Variants in DNER observed in about 807,000 individuals in gnomAD.
DNER encodes delta/notch like EGF repeat containing, also known as delta and Notch-like epidermal growth factor-related receptor.
Under a neutral mutation model 78.2 loss-of-function variants are expected in DNER, and 33 were observed. The ratio of observed to expected loss-of-function variants is 0.42; its 90% confidence interval spans 0.32 to 0.56. The LOEUF (loss-of-function observed/expected upper bound fraction) is 0.56, where lower values mean the gene tolerates loss of function less well. DNER is among the 20% of genes least tolerant of loss of function. The pLI is 0.11. For missense variants in DNER, 918 were observed against 975.3 expected (o/e 0.94, Z 0.78); for synonymous variants, 417 against 384.8 (o/e 1.08, Z -0.98).
intron 5 of DNER, among the ~76,000 whole-genome samples, chr2:229,541,381 GC>G (rs1192965356): frequency 6.6e-6 from 1 of 152,152 alleles, no homozygotes; most frequent in Non-Finnish European, 1.5e-5. Context: ...GTGCCACAGT[GC>G]CCAGATATTT....
At chr2:229,669,726 A>G (rs1030857122) in intron 1 of DNER, among the ~76,000 whole-genome samples, 4 of 152,168 alleles carry the variant, frequency 2.6e-5, no homozygotes, top group Non-Finnish European at 4.4e-5. Flanking sequence ...TTACTGGTGT[A>G]TAGGAATGCT....
intron 1 of DNER, among the ~76,000 whole-genome samples, chr2:229,603,016 G>T (rs1003408006): frequency 2.6e-5 from 4 of 152,140 alleles, no homozygotes; most frequent in African/African-American, 9.7e-5. Context: ...CTGGCAGAAA[G>T]ATGAACAAAT....
intron 1 of DNER, among the ~76,000 whole-genome samples, chr2:229,668,735 G>A (rs1160771787): frequency 1.3e-5 from 2 of 151,362 alleles, no homozygotes; most frequent in Non-Finnish European, 2.9e-5. Flanking sequence ...TGCTGGAGAG[G>A]ATGTGGAAAA....
chr2:229,491,606 A>C (rs1695401072), intron 6 of DNER, among the ~76,000 whole-genome samples: 1 of 152,186 alleles, frequency 6.6e-6, no homozygotes, highest in Admixed American at 6.5e-5. Flanking sequence ...CAGTCTCTTC[A>C]CAAACATTTC....
intron 1 of DNER, among the ~76,000 whole-genome samples, chr2:229,671,482 C>A (rs1699207769): frequency 6.6e-6 from 1 of 152,208 alleles, no homozygotes; most frequent in Non-Finnish European, 1.5e-5. Context: ...TTCTCACTAC[C>A]TGCTATTTTC....
At chr2:229,371,023 T>C (rs1481927119) in intron 11 of DNER, among the ~76,000 whole-genome samples, 1 of 152,236 alleles carries the variant, frequency 6.6e-6, no homozygotes, top group Non-Finnish European at 1.5e-5. Context: ...CAAAACTCTG[T>C]ATTCCAAGCT....
intron 4 of DNER, among the ~76,000 whole-genome samples, chr2:229,559,771 G>T (rs1048626924): frequency 1.3e-5 from 2 of 152,082 alleles, no homozygotes; most frequent in Non-Finnish European, 2.9e-5. Flanking sequence ...GATTATCCAG[G>T]GATCTGTTAA....
intron 8 of DNER, among the ~76,000 whole-genome samples, chr2:229,436,128 G>A (rs999727951): frequency 2.0e-5 from 3 of 152,164 alleles, no homozygotes; most frequent in East Asian, 3.9e-4. Flanking sequence ...AGGATCCAGC[G>A]TCTATTGTTC....
chr2:229,677,846 TTC>T (rs1200438470), intron 1 of DNER, among the ~76,000 whole-genome samples: 4 of 152,212 alleles, frequency 2.6e-5, no homozygotes, highest in Non-Finnish European at 5.9e-5. Flanking sequence ...CTCATGATTG[TTC>T]TCTTACAGAT....
chr2:229,619,635 C>T (rs554257407), intron 1 of DNER, among the ~76,000 whole-genome samples: 54 of 152,224 alleles, frequency 3.5e-4, no homozygotes, highest in African/African-American at 1.3e-3. Context: ...ATTCTGTGTG[C>T]TCTGCTGGTA....
At chr2:229,534,571 A>G (rs1042605558) in intron 5 of DNER, among the ~76,000 whole-genome samples, 1 of 152,242 alleles carries the variant, frequency 6.6e-6, no homozygotes, top group Admixed American at 6.5e-5. Flanking sequence ...CCCATTTCCA[A>G]CTAAGTATCT....
intron 5 of DNER, among the ~76,000 whole-genome samples, chr2:229,525,324 A>G (rs1696187838): frequency 6.6e-6 from 1 of 152,188 alleles, no homozygotes; most frequent in Admixed American, 6.5e-5. Flanking sequence ...ATGCAAAGAG[A>G]GAGACTGTAA....
chr2:229,526,521 G>T (rs1459569148), intron 5 of DNER, among the ~76,000 whole-genome samples: 2 of 152,146 alleles, frequency 1.3e-5, no homozygotes, highest in Admixed American at 1.3e-4. Context: ...CCTGGACAGG[G>T]TAGGGGGGTG....
chr2:229,581,031 A>T lies in DNER; in HGVS notation c.847+4827T>A, dbSNP rs193241002. 5.6e-4 allele frequency among the ~76,000 whole-genome samples: 85 copies of T among 152,322 alleles called. 1 individual carries two copies. The highest frequency in any genetic ancestry group is 1.6e-3 in the Admixed American group (25 of 15,306). ...GGGGATGGGGCCGGCAGTGAGCTGC[A>T]GGGTAGAAGTCCACTGTGCAGAACA... On this transcript the variant is annotated intron_variant, in intron 4 of 12. Transcript: ENST00000341772.
At chr2:229,468,339 G>T (rs911310630) in intron 7 of DNER, among the ~76,000 whole-genome samples, 2 of 152,192 alleles carry the variant, frequency 1.3e-5, no homozygotes, top group Admixed American at 1.3e-4. Context: ...GGGTCATGCA[G>T]CCTCTGGCTC....
At chr2:229,423,126 A>T (rs1693801994) in intron 8 of DNER, among the ~76,000 whole-genome samples, 1 of 152,056 alleles carries the variant, frequency 6.6e-6, no homozygotes, top group South Asian at 2.1e-4. Context: ...GTTCTACTGG[A>T]ATTTAGGAGG....
Position 229,358,480 on chromosome 2 carries a change from C to A in DNER, c.*60G>T. On this transcript the variant is annotated 3_prime_UTR_variant, in exon 13 of 13. Coordinates refer to ENST00000341772, the MANE Select transcript of DNER (RefSeq NM_139072.4). ...TTAAATTTCTTAAGCTTTTTATTTTCTTAAAAATATTTAAATGAGTGTAGT... is the reference window on the plus strand; with the variant it reads ...TTAAATTTCTTAAGCTTTTTATTTTATTAAAAATATTTAAATGAGTGTAGT... 1.5e-6 allele frequency: 2 copies of A among 1,303,360 alleles called. No individual in the cohort carries two copies. Among genetic ancestry groups the A allele is most frequent in the Non-Finnish European group, 2.1e-6 (2 of 963,760 alleles). 80.7% of individuals were successfully genotyped at this position (1,303,360 alleles called of 1,614,324 possible). A position where few individuals can be genotyped will look rare whatever the true frequency, so the allele number is the denominator to read the frequency against.
chr2:229,529,309 G>A (rs1409916644), intron 5 of DNER, among the ~76,000 whole-genome samples: 6 of 152,128 alleles, frequency 3.9e-5, no homozygotes, highest in African/African-American at 1.4e-4. Flanking sequence ...TAAGTGAGCG[G>A]ATACTGCAAG....
At chr2:229,499,532 A>C (rs1040930742) in intron 6 of DNER, among the ~76,000 whole-genome samples, 1 of 152,046 alleles carries the variant, frequency 6.6e-6, no homozygotes, top group Non-Finnish European at 1.5e-5. Context: ...ATCCACATGC[A>C]GAAGAATGAA....
Sources: allele counts gnomAD v4.1 joint callset (sites outside exome capture counted in the v4.1 genomes callset), GRCh38; gene constraint gnomAD v4.1.1; transcripts MANE v1.5; gene names NCBI Gene and HGNC (gene_info 2026-07-23, HGNC 2026-07-21).